The following DENND5A variants were observed in gnomAD, a reference collection of about 807,000 sequenced individuals.
DENND5A encodes the protein DENN domain containing 5A.
DENND5A carries 64 observed loss-of-function variants against 140.3 expected under a neutral mutation model. That is an observed-to-expected ratio of 0.46 (90% CI 0.37 to 0.56). The LOEUF is 0.56. Among genes scored for constraint, DENND5A ranks in the 20% least tolerant of loss-of-function variants. The pLI is 0.00. For missense variants in DENND5A, 1,292 were observed against 1,593.8 expected, an observed-to-expected ratio of 0.81 and a Z score of 3.22; for synonymous variants, 605 against 607.7, an observed-to-expected ratio of 1.00 and a Z score of 0.07.
chr11:9,211,460 G>A (rs891062784), intron 1 of DENND5A, among the ~76,000 whole-genome samples: 1 of 152,266 alleles, frequency 6.6e-6, no homozygotes, highest in African/African-American at 2.4e-5. Context: ...AATGCTCTCT[G>A]GAGGGAGGTA....
chr11:9,212,498 AATG>A (rs1300216938), intron 1 of DENND5A, among the ~76,000 whole-genome samples: 1 of 152,158 alleles, frequency 6.6e-6, no homozygotes, highest in Non-Finnish European at 1.5e-5. Context: ...TCTAGAAACC[AATG>A]ATAAGAGAGA....
intron 5 of DENND5A, among the ~76,000 whole-genome samples, 177 bp downstream of exon 5, chr11:9,193,317 G>A (rs896507679): frequency 1.3e-5 from 2 of 152,192 alleles, no homozygotes; most frequent in African/African-American, 2.4e-5. Flanking sequence ...GTGTCTCTGG[G>A]ATGACATAAA....
At chr11:9,204,468 G>T in intron 3 of DENND5A, 151 bp from the exon 4 acceptor site, 2 of 721,768 alleles carry the variant, frequency 2.8e-6, no homozygotes, top group Non-Finnish European at 4.5e-6. Flanking sequence ...AGACATGCAA[G>T]TAAATAAAAT....
At chr11:9,255,401 C>A (rs1407259658) in intron 1 of DENND5A, among the ~76,000 whole-genome samples, 1 of 151,080 alleles carries the variant, frequency 6.6e-6, no homozygotes, top group Non-Finnish European at 1.5e-5. Flanking sequence ...CCTGCCTGGG[C>A]AAGATGGTGA....
chr11:9,215,718 T>A (rs1337412900), intron 1 of DENND5A, among the ~76,000 whole-genome samples: 1 of 90,708 alleles, frequency 1.1e-5, no homozygotes, highest in African/African-American at 5.1e-5. Flanking sequence ...CAGCTAATTG[T>A]TTTTGTGTTT....
At chr11:9,151,219 T>C (rs1467040373) in intron 13 of DENND5A, among the ~76,000 whole-genome samples, 1 of 152,122 alleles carries the variant, frequency 6.6e-6, no homozygotes, top group Non-Finnish European at 1.5e-5. Context: ...CAAGAGAATA[T>C]ATAAAGAACA....
intron 5 of DENND5A, among the ~76,000 whole-genome samples, chr11:9,192,614 C>A (rs993222808): frequency 6.8e-6 from 1 of 146,402 alleles, no homozygotes; most frequent in Non-Finnish European, 1.5e-5. Context: ...GGTGACAGTG[C>A]GAGACTTCGT....
rs1851875578 is a variant in DENND5A at position 9,254,798 on chromosome 11, TGTG to T, written c.109+10160_109+10162del. Among the ~76,000 whole-genome samples, 5 of 152,142 alleles carry T rather than the reference TGTG, an allele frequency of 3.3e-5. No individual in the cohort carries two copies. In the South Asian group the frequency reaches 1.0e-3, roughly 32 times the overall value. On this transcript the variant is annotated intron_variant, in intron 1 of 22. Transcript: ENST00000328194. ...TATTTAAAAGTCTCAGTCGGCAAGGTGTGGTGGTTCACACCTGTAATCCCAGCC... is the reference window on the plus strand; with the variant it reads ...TATTTAAAAGTCTCAGTCGGCAAGGTGTGGTTCACACCTGTAATCCCAGCC...
At chr11:9,191,948 T>G (rs1590255592) in intron 5 of DENND5A, among the ~76,000 whole-genome samples, 1 of 152,324 alleles carries the variant, frequency 6.6e-6, no homozygotes, top group South Asian at 2.1e-4. Context: ...GGTTTATGTA[T>G]GGTACAGTAA....
At chr11:9,234,236 C>T (rs545202598) in intron 1 of DENND5A, among the ~76,000 whole-genome samples, 144 of 151,290 alleles carry the variant, frequency 9.5e-4, no homozygotes, top group African/African-American at 3.3e-3. Context: ...TTACTCACCC[C>T]AATTCTGTAG....
chr11:9,262,977 G>A (rs1299641303), intron 1 of DENND5A, among the ~76,000 whole-genome samples: 2 of 152,006 alleles, frequency 1.3e-5, no homozygotes, highest in African/African-American at 2.4e-5. Flanking sequence ...TCCTGACTTC[G>A]TGATCCGCCC....
chr11:9,234,624 G>C (rs542962229), intron 1 of DENND5A, among the ~76,000 whole-genome samples: 1 of 152,168 alleles, frequency 6.6e-6, no homozygotes, highest in Non-Finnish European at 1.5e-5. Flanking sequence ...TAAAGGTTAC[G>C]GGTTTACCAG....
chr11:9,265,174 T>C lies in DENND5A; in HGVS notation c.-105A>G, dbSNP rs1852393103. On this transcript the variant is annotated 5_prime_UTR_variant, in exon 1 of 23. An upstream open reading frame in the 5' UTR loses its in-frame stop. Coordinates refer to ENST00000328194, the MANE Select transcript of DENND5A (RefSeq NM_015213.4). This position sits in a 1 kb window ranked among gnomAD's most constrained non-coding sequence, Gnocchi z 4.7. ...AGGCCGCCCCTCCCGCCGCCGCCGCTACCGCGGCTCGGGCCGCCGCCCCCG... is the reference window on the plus strand; with the variant it reads ...AGGCCGCCCCTCCCGCCGCCGCCGCCACCGCGGCTCGGGCCGCCGCCCCCG... 1.7e-6 allele frequency: 1 copy of C among 574,506 alleles called. No homozygotes were observed. The highest frequency in any genetic ancestry group is 2.2e-6 in the Non-Finnish European group (1 of 453,136). The allele number at this position is 574,506 out of a possible 1,614,324, so 35.6% of individuals were successfully genotyped here.
chr11:9,239,917 C>G (rs182493232), intron 1 of DENND5A, among the ~76,000 whole-genome samples: 9 of 152,136 alleles, frequency 5.9e-5, no homozygotes, highest in Non-Finnish European at 8.8e-5. Context: ...TATAGTCCCT[C>G]GGGTATTTTT....
At chr11:9,197,888 A>G (rs1355366858) in intron 4 of DENND5A, among the ~76,000 whole-genome samples, 1 of 152,212 alleles carries the variant, frequency 6.6e-6, no homozygotes, top group Non-Finnish European at 1.5e-5. Context: ...TTAAGCAATC[A>G]TTATTTTTAC....
intron 1 of DENND5A, among the ~76,000 whole-genome samples, chr11:9,262,087 T>C (rs1590353996): frequency 6.6e-6 from 1 of 152,308 alleles, no homozygotes; most frequent in Non-Finnish European, 1.5e-5. Flanking sequence ...GACAGTAACA[T>C]TTCTTTTTTA....
chr11:9,236,310 T>C (rs1274299313), intron 1 of DENND5A, among the ~76,000 whole-genome samples: 1 of 151,410 alleles, frequency 6.6e-6, no homozygotes, highest in Non-Finnish European at 1.5e-5. Context: ...GGCAGGCGTA[T>C]CACCTGAGGT....
At chr11:9,250,393 CT>C (rs1159625263) in intron 1 of DENND5A, among the ~76,000 whole-genome samples, 2 of 152,082 alleles carry the variant, frequency 1.3e-5, no homozygotes, top group African/African-American at 4.8e-5. Flanking sequence ...AACCACAATT[CT>C]GAAAACAAGC....
chr11:9,255,260 G>A (rs535689719), intron 1 of DENND5A, among the ~76,000 whole-genome samples: 1 of 152,150 alleles, frequency 6.6e-6, no homozygotes, highest in Non-Finnish European at 1.5e-5. Flanking sequence ...CACTAGTGCA[G>A]CTGTTTTGGA....
Sources: allele counts gnomAD v4.1 joint callset (sites outside exome capture counted in the v4.1 genomes callset), GRCh38; gene constraint gnomAD v4.1.1; non-coding constraint Gnocchi (gnomAD v3.1); transcripts MANE v1.5; gene names NCBI Gene and HGNC (gene_info 2026-07-23, HGNC 2026-07-21).